Variants in GRIK4 observed in about 807,000 individuals in gnomAD.
GRIK4 encodes the protein glutamate ionotropic receptor kainate type subunit 4.
A neutral mutation model predicts 104.9 loss-of-function variants in GRIK4; 40 were observed. That is an observed-to-expected ratio of 0.38 (90% confidence interval 0.30 to 0.50). The LOEUF (loss-of-function observed/expected upper bound fraction) is 0.50, where lower values mean the gene tolerates loss of function less well. Among genes scored for constraint, GRIK4 ranks in the 20% least tolerant of loss-of-function variants. The probability of loss-of-function intolerance (pLI) is 0.93; values close to 1 mark genes in which losing one functional copy is unlikely to be tolerated. For missense variants in GRIK4, 1,047 were observed against 1,308.1 expected, an observed-to-expected ratio of 0.80 and a Z score of 3.08; for synonymous variants, 485 against 524.9, an observed-to-expected ratio of 0.92 and a Z score of 1.04.
At chr11:120,627,909 G>C (rs562971292) in intron 1 of GRIK4, among the ~76,000 whole-genome samples, 1 of 152,346 alleles carries the variant, frequency 6.6e-6, no homozygotes, top group South Asian at 2.1e-4. Context: ...CTGAACTCAT[G>C]TCACGGTGCT....
chr11:120,547,776 C>T (rs1948100289), intron 1 of GRIK4, among the ~76,000 whole-genome samples: 1 of 152,202 alleles, frequency 6.6e-6, no homozygotes, highest in Admixed American at 6.5e-5. Context: ...CATGGGTCTA[C>T]TAATATGCTG....
chr11:120,821,100 A>C (rs1298938077), intron 6 of GRIK4, among the ~76,000 whole-genome samples: 3 of 152,216 alleles, frequency 2.0e-5, no homozygotes, highest in Admixed American at 6.5e-5. Flanking sequence ...ACTCAAATAC[A>C]GGCCTCCTCA....
At chr11:120,571,582 C>G (rs1196340495) in intron 1 of GRIK4, among the ~76,000 whole-genome samples, 1 of 152,086 alleles carries the variant, frequency 6.6e-6, no homozygotes, top group African/African-American at 2.4e-5. Flanking sequence ...TCCTCCTCCC[C>G]CAAGCTATGA....
chr11:120,528,757 T>C lies in GRIK4; in HGVS notation c.-159+16870T>C, dbSNP rs149678639. Among the ~76,000 whole-genome samples, 192 of 152,228 alleles carry C rather than the reference T, an allele frequency of 1.3e-3. No homozygotes were observed. The Middle Eastern group carries it at 0.024, about 19-fold the overall frequency. Reference sequence around the variant, plus strand: ...CTGCCCCTCATAAAACCATCAGATCTTGTGAGACCCATGAGATCTCTCATG... The same window carrying C: ...CTGCCCCTCATAAAACCATCAGATCCTGTGAGACCCATGAGATCTCTCATG... On this transcript the variant is annotated intron_variant, in intron 1 of 20. Coordinates refer to ENST00000527524, the MANE Select transcript of GRIK4 (RefSeq NM_014619.5).
intron 13 of GRIK4, among the ~76,000 whole-genome samples, chr11:120,918,640 A>G (rs1185924386): frequency 6.6e-6 from 1 of 152,128 alleles, no homozygotes; most frequent in East Asian, 1.9e-4. Context: ...TGTGCCCACT[A>G]AGTCTGCTCA....
chr11:120,936,412 C>A, intron 13 of GRIK4: 1 of 305,330 alleles, frequency 3.3e-6, no homozygotes. Flanking sequence ...TCTGTCTCCC[C>A]TTTAGGAGAG....
At chr11:120,880,373 A>G (rs1477149215) in intron 11 of GRIK4, among the ~76,000 whole-genome samples, 1 of 152,218 alleles carries the variant, frequency 6.6e-6, no homozygotes, top group Non-Finnish European at 1.5e-5. Context: ...TCAACCCTGC[A>G]GGAGAGCTAT....
intron 14 of GRIK4, among the ~76,000 whole-genome samples, chr11:120,941,251 C>T (rs1271429521): frequency 6.6e-6 from 1 of 152,178 alleles, no homozygotes; most frequent in Non-Finnish European, 1.5e-5. Flanking sequence ...TTGCCCAATA[C>T]ACTAGTCATT....
intron 13 of GRIK4, among the ~76,000 whole-genome samples, chr11:120,916,302 C>T (rs1233767783): frequency 1.3e-5 from 2 of 151,198 alleles, no homozygotes; most frequent in Non-Finnish European, 2.9e-5. Context: ...CAGACAGATG[C>T]GAGCAGAAGT....
chr11:120,676,699 A>C (rs1950104084), intron 3 of GRIK4, among the ~76,000 whole-genome samples: 1 of 152,200 alleles, frequency 6.6e-6, no homozygotes, highest in African/African-American at 2.4e-5. Flanking sequence ...ATCCACCCCC[A>C]CAACCCAAAC....
At chr11:120,843,882 G>T (rs752427419) in intron 8 of GRIK4, among the ~76,000 whole-genome samples, 1 of 152,118 alleles carries the variant, frequency 6.6e-6, no homozygotes, top group South Asian at 2.1e-4. Flanking sequence ...CGTGTGACTC[G>T]TGGAAGCAGT....
chr11:120,627,311 G>A (rs1252665102), intron 1 of GRIK4, among the ~76,000 whole-genome samples: 1 of 152,096 alleles, frequency 6.6e-6, no homozygotes, highest in Non-Finnish European at 1.5e-5. Flanking sequence ...GCACTTTCCC[G>A]GTCCTCTCCA....
intron 3 of GRIK4, among the ~76,000 whole-genome samples, chr11:120,670,192 C>T (rs997446412): frequency 2.6e-5 from 4 of 152,232 alleles, no homozygotes; most frequent in Non-Finnish European, 5.9e-5. Flanking sequence ...AGGTGCTTCC[C>T]TTTTCCAAGC....
intron 11 of GRIK4, among the ~76,000 whole-genome samples, chr11:120,886,815 G>A (rs1281258228): frequency 6.6e-6 from 1 of 152,190 alleles, no homozygotes; most frequent in Non-Finnish European, 1.5e-5. Flanking sequence ...CTCACAAAGA[G>A]CAAGGACTTC....
chr11:120,971,947 C>CA (rs1379619274), intron 19 of GRIK4, among the ~76,000 whole-genome samples: 1 of 152,164 alleles, frequency 6.6e-6, no homozygotes, highest in Non-Finnish European at 1.5e-5. Context: ...CAGGAGGAAC[C>CA]AAAAGCAGAG....
chr11:120,834,300 G>GT (rs199908418), intron 7 of GRIK4, among the ~76,000 whole-genome samples: 2 of 149,028 alleles, frequency 1.3e-5, no homozygotes, highest in South Asian at 2.1e-4. Context: ...GTGTGTGTGT[G>GT]GCCATGCTTT....
intron 3 of GRIK4, among the ~76,000 whole-genome samples, chr11:120,785,413 A>T (rs1952246724): frequency 6.6e-6 from 1 of 152,216 alleles, no homozygotes; most frequent in Non-Finnish European, 1.5e-5. Flanking sequence ...AAGGAGGCTA[A>T]CTGGGAATAT....
At chr11:120,783,907 G>C (rs999986783) in intron 3 of GRIK4, among the ~76,000 whole-genome samples, 1 of 152,120 alleles carries the variant, frequency 6.6e-6, no homozygotes, top group African/African-American at 2.4e-5. Context: ...TGTTTGTTTT[G>C]CGAAGTGCTT....
chr11:120,603,707 C>A (rs1174868469), intron 1 of GRIK4, among the ~76,000 whole-genome samples: 2 of 152,302 alleles, frequency 1.3e-5, no homozygotes, highest in Admixed American at 1.3e-4. Flanking sequence ...AAGCGTCATA[C>A]CCCTTGATGG....
Sources: allele counts gnomAD v4.1 joint callset (sites outside exome capture counted in the v4.1 genomes callset), GRCh38; gene constraint gnomAD v4.1.1; transcripts MANE v1.5; gene names NCBI Gene and HGNC (gene_info 2026-07-23, HGNC 2026-07-21).